The following HS3ST3A1 variants were observed in gnomAD, a reference collection of about 807,000 sequenced individuals.
HS3ST3A1 encodes the protein heparan sulfate-glucosamine 3-sulfotransferase 3A1, also known as heparan sulfate glucosamine 3-O-sulfotransferase 3A1.
A neutral mutation model predicts 25.7 loss-of-function variants in HS3ST3A1; 19 were observed. The observed-to-expected ratio is 0.74, with a 90% confidence interval of 0.52 to 1.08. HS3ST3A1 has a LOEUF of 1.08. Among genes scored for constraint, HS3ST3A1 ranks in the 50% least tolerant of loss-of-function variants. The pLI, the probability that HS3ST3A1 is intolerant of heterozygous loss-of-function variation, is 0.00. For synonymous variants in HS3ST3A1, 226 were observed against 278.6 expected (o/e 0.81, Z 1.88); for missense variants, 459 against 594.3 (o/e 0.77, Z 2.37).
intron 1 of HS3ST3A1, among the ~76,000 whole-genome samples, chr17:13,561,685 C>G (rs1482643495): frequency 6.6e-6 from 1 of 152,164 alleles, no homozygotes; most frequent in Non-Finnish European, 1.5e-5. Context: ...AGCCACTGGA[C>G]CTAGCCACCA....
chr17:13,576,034 G>T (rs555013021), intron 1 of HS3ST3A1, among the ~76,000 whole-genome samples: 2 of 152,212 alleles, frequency 1.3e-5, no homozygotes, highest in African/African-American at 4.8e-5. Context: ...GTATTTCTGG[G>T]ACTGAGGCCC....
chr17:13,507,871 C>A (rs1905733560), intron 1 of HS3ST3A1, among the ~76,000 whole-genome samples: 1 of 152,162 alleles, frequency 6.6e-6, no homozygotes, highest in Non-Finnish European at 1.5e-5. Context: ...GCAGGGGAAA[C>A]TGCTGGGAAC....
chr17:13,561,388 C>G (rs1445257363), intron 1 of HS3ST3A1, among the ~76,000 whole-genome samples: 1 of 139,940 alleles, frequency 7.1e-6, no homozygotes, highest in Non-Finnish European at 1.6e-5. Context: ...CCAGATCATT[C>G]TTTTTTTTTT....
chr17:13,542,700 A>C (rs1906969892), intron 1 of HS3ST3A1, among the ~76,000 whole-genome samples: 1 of 152,064 alleles, frequency 6.6e-6, no homozygotes, highest in Non-Finnish European at 1.5e-5. Flanking sequence ...AACCCTTGGA[A>C]TCTAAAGCAA....
rs145358514 is a variant in HS3ST3A1, at chr17:13,551,145, G to A, written c.599+49386C>T. 1.5e-3 allele frequency among the ~76,000 whole-genome samples: 226 copies of A among 149,854 alleles called. 1 individual carries two copies. Among genetic ancestry groups the A allele is most frequent in the Admixed American group, 4.2e-3 (63 of 14,942 alleles). On this transcript the variant is annotated intron_variant, in intron 1 of 1. Transcript: ENST00000284110. The stretch of plus-strand genomic sequence containing the variant: ...CCAATAATCACGAGGTCAGGAGATC[G>A]AGACCATCCTGGCCAACAAGATGAA...
At chr17:13,568,959 T>A (rs1221040180) in intron 1 of HS3ST3A1, among the ~76,000 whole-genome samples, 2 of 152,190 alleles carry the variant, frequency 1.3e-5, no homozygotes, top group Non-Finnish European at 2.9e-5. Flanking sequence ...TATGAGAGAC[T>A]TTTTTTATTT....
At chr17:13,557,630 A>C (rs981935440) in intron 1 of HS3ST3A1, among the ~76,000 whole-genome samples, 9 of 152,218 alleles carry the variant, frequency 5.9e-5, no homozygotes, top group African/African-American at 2.2e-4. Flanking sequence ...AGCAGGAAAA[A>C]AGGACAGGTG....
intron 1 of HS3ST3A1, among the ~76,000 whole-genome samples, chr17:13,541,482 G>A (rs1181712280): frequency 2.0e-5 from 3 of 152,042 alleles, no homozygotes; most frequent in Non-Finnish European, 2.9e-5. Flanking sequence ...GGGAATGGAA[G>A]GGCCAGTTGA....
chr17:13,519,926 T>C (rs1370138876), intron 1 of HS3ST3A1, among the ~76,000 whole-genome samples: 4 of 152,204 alleles, frequency 2.6e-5, no homozygotes, highest in African/African-American at 9.6e-5. Context: ...GTGTGAAGCA[T>C]AGAACTTATT....
intron 1 of HS3ST3A1, among the ~76,000 whole-genome samples, chr17:13,512,517 A>G (rs1309038810): frequency 6.6e-6 from 1 of 152,124 alleles, no homozygotes; most frequent in Non-Finnish European, 1.5e-5. Flanking sequence ...ATTTTTGTCA[A>G]TAAAGTTTTA....
chr17:13,571,352 G>A (rs1907805712), intron 1 of HS3ST3A1, among the ~76,000 whole-genome samples: 1 of 152,202 alleles, frequency 6.6e-6, no homozygotes, highest in Non-Finnish European at 1.5e-5. Context: ...ATGTGTGTCT[G>A]TTTTCAAAGA....
rs960043619 is a variant in HS3ST3A1, at chr17:13,514,009, G to A, written c.600-17191C>T. Among the ~76,000 whole-genome samples, 5 of 151,882 alleles carry A rather than the reference G, an allele frequency of 3.3e-5. No homozygotes were observed. In the East Asian group the frequency reaches 7.7e-4, roughly 23 times the overall value. On this transcript the variant is annotated intron_variant, in intron 1 of 1. Transcript: ENST00000284110. ...ATTTAAATTGCTTCTAGTAAGCATAGGGAAATGATTTTTTAATATTTTAAT... is the reference window on the plus strand; with the variant it reads ...ATTTAAATTGCTTCTAGTAAGCATAAGGAAATGATTTTTTAATATTTTAAT...
At chr17:13,556,844 T>G (rs931846719) in intron 1 of HS3ST3A1, among the ~76,000 whole-genome samples, 90 of 97,808 alleles carry the variant, frequency 9.2e-4, no homozygotes, top group African/African-American at 4.6e-3. Flanking sequence ...AGAGCGAAAC[T>G]CCGCCTAAAA....
intron 1 of HS3ST3A1, among the ~76,000 whole-genome samples, chr17:13,561,396 T>C (rs921561629): frequency 6.6e-6 from 1 of 151,862 alleles, no homozygotes; most frequent in Non-Finnish European, 1.5e-5. Context: ...TTCTTTTTTT[T>C]TTTTTTTGGA....
chr17:13,577,277 T>C (rs573682259), intron 1 of HS3ST3A1, among the ~76,000 whole-genome samples: 1 of 152,298 alleles, frequency 6.6e-6, no homozygotes, highest in Admixed American at 6.5e-5. Flanking sequence ...AGCATGCTAT[T>C]AATTCATGGA....
intron 1 of HS3ST3A1, among the ~76,000 whole-genome samples, chr17:13,498,979 C>A (rs1453422082): frequency 6.7e-6 from 1 of 148,410 alleles, no homozygotes. Context: ...TTATTTTTGT[C>A]ATTTCAGTCA....
chr17:13,581,373 A>G (rs1908106884), intron 1 of HS3ST3A1, among the ~76,000 whole-genome samples: 1 of 151,488 alleles, frequency 6.6e-6, no homozygotes, highest in Non-Finnish European at 1.5e-5. Flanking sequence ...AGGCTGAGGC[A>G]TGAGAATCAC....
chr17:13,597,785 A>G (rs1375903750), intron 1 of HS3ST3A1, among the ~76,000 whole-genome samples: 1 of 152,242 alleles, frequency 6.6e-6, no homozygotes, highest in Non-Finnish European at 1.5e-5. Context: ...AAAACTTCAT[A>G]AAGTATTTTA....
chr17:13,526,816 A>AT (rs571564803), intron 1 of HS3ST3A1, among the ~76,000 whole-genome samples: 1,530 of 149,858 alleles, frequency 0.01, 29 homozygotes, highest in African/African-American at 0.035. Context: ...CCCAGCTAAT[A>AT]TTTTTTTTTG....
Sources: allele counts gnomAD v4.1 joint callset (sites outside exome capture counted in the v4.1 genomes callset), GRCh38; gene constraint gnomAD v4.1.1; transcripts MANE v1.5; gene names NCBI Gene and HGNC (gene_info 2026-07-23, HGNC 2026-07-21).